Variants in MATCAP2 observed in about 807,000 individuals in gnomAD.
MATCAP2 encodes the protein microtubule associated tyrosine carboxypeptidase 2, also known as putative tyrosine carboxypeptidase MATCAP2.
the MATCAP2 span, among the ~76,000 whole-genome samples, chr7:36,335,561 T>C: frequency 7.4e-4 from 113 of 152,348 alleles, no homozygotes; most frequent in African/African-American, 2.5e-3. Context: ...AGAAGACTAA[T>C]AAGAGAGGCT....
At chr7:36,326,919 C>A in the MATCAP2 span, 2 of 1,591,976 alleles carry the variant, frequency 1.3e-6, no homozygotes, top group African/African-American at 1.4e-5. Context: ...CATAAGAAAC[C>A]TGAAAAAAAG....
chr7:36,388,933 C>T, the MATCAP2 span, among the ~76,000 whole-genome samples: 1 of 152,164 alleles, frequency 6.6e-6, no homozygotes, highest in Non-Finnish European at 1.5e-5. Flanking sequence ...ATTTCATTGG[C>T]TTAGAGTGTC....
chr7:36,357,236 G>A, the MATCAP2 span: 4 of 1,613,912 alleles, frequency 2.5e-6, no homozygotes, highest in Non-Finnish European at 3.4e-6. Flanking sequence ...ACTTGACACT[G>A]AACTAGTGAC....
chr7:36,370,772 C>A, the MATCAP2 span, among the ~76,000 whole-genome samples: 1 of 152,218 alleles, frequency 6.6e-6, no homozygotes, highest in African/African-American at 2.4e-5. Flanking sequence ...TGAGCCACCA[C>A]GCCTCGCCAT....
the MATCAP2 span, chr7:36,326,693 C>T: frequency 7.4e-7 from 1 of 1,344,760 alleles, no homozygotes; most frequent in Non-Finnish European, 1.0e-6. Flanking sequence ...TCTTCTGGTG[C>T]TAACTGCACC....
At chr7:36,331,455 G>C in the MATCAP2 span, among the ~76,000 whole-genome samples, 1 of 152,176 alleles carries the variant, frequency 6.6e-6, no homozygotes. Flanking sequence ...GCATCTGAGT[G>C]GGGAGGCCTG....
chr7:36,388,630 C>T, the MATCAP2 span, among the ~76,000 whole-genome samples: 2 of 152,146 alleles, frequency 1.3e-5, no homozygotes, highest in Non-Finnish European at 1.5e-5. Flanking sequence ...GAATCTGATA[C>T]AGAAATTATG....
the MATCAP2 span, among the ~76,000 whole-genome samples, chr7:36,389,401 C>A: frequency 4.0e-5 from 6 of 150,374 alleles, no homozygotes; most frequent in African/African-American, 1.5e-4. Flanking sequence ...CTCACTCTGC[C>A]GCCCAGGCTG....
At chr7:36,327,769 G>A in the MATCAP2 span, among the ~76,000 whole-genome samples, 2 of 152,034 alleles carry the variant, frequency 1.3e-5, no homozygotes, top group African/African-American at 2.4e-5. Context: ...TGGGGATTTC[G>A]GATGCTCAAC....
At chr7:36,364,125 T>C in the MATCAP2 span, among the ~76,000 whole-genome samples, 1 of 148,592 alleles carries the variant, frequency 6.7e-6, no homozygotes, top group African/African-American at 2.5e-5. Context: ...TCTCACTCTG[T>C]GGCCAAGGCT....
At chr7:36,360,338 A>C in the MATCAP2 span, among the ~76,000 whole-genome samples, 1 of 152,170 alleles carries the variant, frequency 6.6e-6, no homozygotes, top group African/African-American at 2.4e-5. Context: ...CACCTGTCAA[A>C]ATACTCAAGG....
At chr7:36,358,750 T>C in the MATCAP2 span, among the ~76,000 whole-genome samples, 3 of 152,348 alleles carry the variant, frequency 2.0e-5, no homozygotes, top group Non-Finnish European at 2.9e-5. Flanking sequence ...ACATTGTTCT[T>C]ACCTATAACC....
At chr7:36,364,090 T>C in the MATCAP2 span, among the ~76,000 whole-genome samples, 719 of 59,176 alleles carry the variant, frequency 0.012, 7 homozygotes, top group African/African-American at 0.054. Context: ...ATCTTCTTCT[T>C]CTTTTTTTTT....
the MATCAP2 span, among the ~76,000 whole-genome samples, chr7:36,353,095 C>A: frequency 8.8e-3 from 1,343 of 152,004 alleles, 8 homozygotes; most frequent in Middle Eastern, 0.014. Context: ...ATAGTGAGAC[C>A]CCCCCACCTA....
chr7:36,366,767 G>A, the MATCAP2 span: 3 of 1,534,828 alleles, frequency 2.0e-6, no homozygotes. Flanking sequence ...TTTTTCGCGA[G>A]CGCCTCCTGC....
chr7:36,346,432 A>G, the MATCAP2 span, among the ~76,000 whole-genome samples: 13 of 152,374 alleles, frequency 8.5e-5, no homozygotes, highest in African/African-American at 3.1e-4. Flanking sequence ...CATACATGGA[A>G]TATTATTCAG....
chr7:36,363,625 T>G, the MATCAP2 span, among the ~76,000 whole-genome samples: 5 of 152,204 alleles, frequency 3.3e-5, no homozygotes, highest in African/African-American at 1.2e-4. Context: ...GTGAGCTGAT[T>G]TTCCTAGCAG....
chr7:36,345,820 C>T, the MATCAP2 span, among the ~76,000 whole-genome samples: 1 of 151,968 alleles, frequency 6.6e-6, no homozygotes, highest in African/African-American at 2.4e-5. Flanking sequence ...AGATATGACA[C>T]CAAAAGCACA....
chr7:36,326,855 G>A, the MATCAP2 span: 1 of 1,614,074 alleles, frequency 6.2e-7, no homozygotes, highest in Non-Finnish European at 8.5e-7. Context: ...TGCAGGAAAT[G>A]AGGGACCCTC....
Sources: allele counts gnomAD v4.1 joint callset (sites outside exome capture counted in the v4.1 genomes callset), GRCh38; gene constraint gnomAD v4.1.1; transcripts MANE v1.5; gene names NCBI Gene and HGNC (gene_info 2026-07-23, HGNC 2026-07-21).